LIFR: variants seen among roughly 807,000 people sequenced by gnomAD.
LIFR encodes LIF receptor subunit alpha.
In LIFR, 84 loss-of-function variants were observed where a neutral mutation model predicts 122.2. The ratio of observed to expected loss-of-function variants is 0.69; its 90% confidence interval spans 0.58 to 0.82. LIFR has a LOEUF of 0.82. LIFR is among the 40% of genes least tolerant of loss of function. LIFR has a pLI of 0.00. For missense variants in LIFR, 1,294 were observed against 1,311.6 expected (o/e 0.99, Z 0.21); for synonymous variants, 422 against 434.7 (o/e 0.97, Z 0.36).
At chr5:38,598,260 C>CTTTTT (rs1561235602), upstream of LIFR, among the ~76,000 whole-genome samples, 1 of 27,900 alleles carries the variant, frequency 3.6e-5, no homozygotes, top group Non-Finnish European at 6.3e-5. Flanking sequence ...TTTTTTTTTT[C>CTTTTT]TTTTTAGAGG....
intron 1 of LIFR, among the ~76,000 whole-genome samples, chr5:38,535,620 G>A (rs538322699): frequency 6.6e-6 from 1 of 152,056 alleles, no homozygotes; most frequent in Non-Finnish European, 1.5e-5. Context: ...CTGCTCTACT[G>A]CTTCACTTCC....
At chr5:38,604,811 C>T (rs1235330654) in intron 2 of LIFR, among the ~76,000 whole-genome samples, 1 of 152,138 alleles carries the variant, frequency 6.6e-6, no homozygotes, top group African/African-American at 2.4e-5. Flanking sequence ...CGGTGTACAG[C>T]TTGCTTTTAT....
At chr5:38,547,583 T>C (rs908655259) in intron 1 of LIFR, among the ~76,000 whole-genome samples, 1 of 152,164 alleles carries the variant, frequency 6.6e-6, no homozygotes, top group African/African-American at 2.4e-5. Context: ...GTCTACATGT[T>C]ATCAAAATAT....
intron 2 of LIFR, among the ~76,000 whole-genome samples, chr5:38,602,394 A>T (rs1750238038): frequency 6.6e-6 from 1 of 152,174 alleles, no homozygotes; most frequent in Non-Finnish European, 1.5e-5. Flanking sequence ...ACACCCTTGC[A>T]CATGTGTGCT....
intron 1 of LIFR, among the ~76,000 whole-genome samples, chr5:38,542,366 GT>G (rs1190776443): frequency 6.6e-6 from 1 of 152,150 alleles, no homozygotes; most frequent in African/African-American, 2.4e-5. Flanking sequence ...ATAGAAGACG[GT>G]AGAGGCAGCA....
chr5:38,528,694 G>T, intron 3 of LIFR, 32 bp downstream of exon 3: 2 of 1,273,420 alleles, frequency 1.6e-6, no homozygotes, highest in Non-Finnish European at 2.2e-6. Context: ...ATTCAACCTA[G>T]CTCATTGTGA....
chr5:38,594,658 A>G (rs1428092387), intron 1 of LIFR, among the ~76,000 whole-genome samples: 2 of 152,172 alleles, frequency 1.3e-5, no homozygotes, highest in Non-Finnish European at 2.9e-5. Context: ...TAAAAAGGGA[A>G]GCTATTTAAC....
intron 10 of LIFR, 63 bp downstream of exon 10, chr5:38,503,913 A>T (rs1479884940): frequency 8.3e-7 from 1 of 1,211,386 alleles, no homozygotes; most frequent in Non-Finnish European, 1.2e-6. Context: ...CAATTTGCTT[A>T]ATTCTTTTTG....
Position 38,484,987 on chromosome 5 carries a change from C to T in LIFR, c.2498-119G>A, listed in dbSNP as rs182870476. 1.0e-5 allele frequency: 7 copies of T among 694,906 alleles called. No homozygotes were observed. In the East Asian group the frequency reaches 1.7e-4, roughly 17 times the overall value. The allele number at this position is 694,906 out of a possible 1,614,324, so 43.0% of individuals were successfully genotyped here. A position where few individuals can be genotyped will look rare whatever the true frequency, so the allele number is the denominator to read the frequency against. The stretch of plus-strand genomic sequence containing the variant: ...TTTAGGAAAAAAACAAAATTAACTG[C>T]TGCAGGGACACTGAAAAACTATTAA... On this transcript the variant is annotated intron_variant, in intron 17 of 19. Coordinates refer to ENST00000453190, the MANE Select transcript of LIFR (RefSeq NM_001127671.2).
rs1017568945 is a variant in LIFR, at chr5:38,482,053, C to G, written c.2836G>C (p.Val946Leu). The change falls in exon 20 of 20, where the codon GTT (valine) becomes CTT (leucine). Residue 946 changes from valine to leucine, a missense_variant. Physicochemically the swap from Val to Leu is conservative, Grantham distance 32. Transcript: ENST00000453190. ...RSDAEPENHV[V>L]VSYCPPIIEE... ...ATGATGGGTGGACAATAGGACACAA[C>G]CACATGGTTTTCAGGCTCTGCATCA... 2 of 1,611,262 alleles carry G rather than the reference C, an allele frequency of 1.2e-6. No individual in the cohort carries two copies. The highest frequency in any genetic ancestry group is 4.5e-5 in the East Asian group (2 of 44,850).
chr5:38,510,674 T>C lies in LIFR; in HGVS notation c.781A>G (p.Ile261Val). 6.2e-7 allele frequency: 1 copy of C among 1,613,598 alleles called. No individual in the cohort carries two copies. Among genetic ancestry groups the C allele is most frequent in the Non-Finnish European group, 8.5e-7 (1 of 1,179,610 alleles). The change falls in exon 7 of 20, where the codon ATA becomes GTA. Residue 261 changes from isoleucine (I) to valine (V), a missense_variant. Coordinates refer to ENST00000453190, the MANE Select transcript of LIFR (RefSeq NM_001127671.2). ...AATGTTATGTCTGAGCCTACAAGTA[T>C]CACTTTATCTTGAGGAAAAACCTTA... ...QTKVFPQDKV[I>V]LVGSDITFCC... is the part of the protein sequence containing the mutation.
intron 16 of LIFR, among the ~76,000 whole-genome samples, chr5:38,487,673 A>T (rs1744360793): frequency 6.6e-6 from 1 of 152,166 alleles, no homozygotes; most frequent in Non-Finnish European, 1.5e-5. Context: ...TATTGTACTG[A>T]ACTCATCTAT....
At chr5:38,568,373 C>T (rs1171163585) in intron 1 of LIFR, among the ~76,000 whole-genome samples, 1 of 152,030 alleles carries the variant, frequency 6.6e-6, no homozygotes, top group African/African-American at 2.4e-5. Flanking sequence ...TCTGGGGGAC[C>T]AACAGGCACA....
intron 2 of LIFR, among the ~76,000 whole-genome samples, chr5:38,529,326 T>C (rs1345624717): frequency 1.3e-5 from 2 of 152,098 alleles, no homozygotes; most frequent in African/African-American, 2.4e-5. Context: ...TTCCAAGTTT[T>C]TAAACAAAAC....
intron 5 of LIFR, among the ~76,000 whole-genome samples, chr5:38,517,714 G>A (rs779104919): frequency 1.2e-4 from 18 of 151,492 alleles, no homozygotes; most frequent in African/African-American, 2.7e-4. Flanking sequence ...AAAGTTAGTC[G>A]GGCGTGGTGG....
At chr5:38,569,191 C>T (rs763104780) in intron 1 of LIFR, among the ~76,000 whole-genome samples, 11 of 152,216 alleles carry the variant, frequency 7.2e-5, no homozygotes, top group South Asian at 2.1e-4. Context: ...TCTCATTCTT[C>T]TTGCTCAGAT....
At position 38,480,682 on chromosome 5, in the gene LIFR, TAGTC is replaced by T. The variant is rs1356346669; in HGVS notation, c.*909_*912del. On this transcript the variant is annotated 3_prime_UTR_variant, in exon 20 of 20. Coordinates refer to ENST00000453190, the MANE Select transcript of LIFR (RefSeq NM_001127671.2). The stretch of plus-strand genomic sequence containing the variant: ...GCTAACGCTGCTAGATATTGCTTAG[TAGTC>T]ATCTCACATAGTAAGTCACTGGAAT... The T allele has an allele frequency of 2.4e-5, 5 of 212,452 alleles. No individual in the cohort carries two copies. The highest frequency in any genetic ancestry group is 4.8e-5 in the Non-Finnish European group (5 of 105,038). The allele number at this position is 212,452 out of a possible 1,614,324, so 13.2% of individuals were successfully genotyped here. A position where few individuals can be genotyped will look rare whatever the true frequency, so the allele number is the denominator to read the frequency against.
intron 10 of LIFR, 40 bp downstream of exon 10, chr5:38,503,936 T>C (rs776341562): frequency 7.2e-7 from 1 of 1,385,646 alleles, no homozygotes; most frequent in East Asian, 2.3e-5. Context: ...AACTATTTTA[T>C]CCAAAATAAT....
At chr5:38,582,823 T>C (rs1257400919) in intron 1 of LIFR, among the ~76,000 whole-genome samples, 1 of 152,216 alleles carries the variant, frequency 6.6e-6, no homozygotes, top group African/African-American at 2.4e-5. Flanking sequence ...TTGGTTTCCT[T>C]CTGCCCAGGG....
Sources: allele counts gnomAD v4.1 joint callset (sites outside exome capture counted in the v4.1 genomes callset), GRCh38; gene constraint gnomAD v4.1.1; transcripts MANE v1.5; gene names NCBI Gene and HGNC (gene_info 2026-07-23, HGNC 2026-07-21).